Variants in OTUD7A observed in about 807,000 individuals in gnomAD.
The protein encoded by OTUD7A is OTU deubiquitinase 7A, also known as OTU domain-containing protein 7A.
In OTUD7A, 12 loss-of-function variants were observed where a neutral mutation model predicts 65.7. That is an observed-to-expected ratio of 0.18 (90% CI 0.12 to 0.30). The LOEUF is 0.30. Ranked by LOEUF, OTUD7A falls within the 10% of genes least tolerant of loss-of-function variation. The probability of loss-of-function intolerance (pLI) is 1.00; values close to 1 mark genes in which losing one functional copy is unlikely to be tolerated. For missense variants in OTUD7A, 1,148 were observed against 1,304.8 expected (o/e 0.88, Z 1.85); for synonymous variants, 641 against 586.3 (o/e 1.09, Z -1.35).
At chr15:31,596,601 C>T (rs948702445) in intron 3 of OTUD7A, among the ~76,000 whole-genome samples, 3 of 152,150 alleles carry the variant, frequency 2.0e-5, no homozygotes, top group Admixed American at 6.5e-5. Context: ...GCCTTTGTAA[C>T]ATTGGAAAGT....
intron 1 of OTUD7A, among the ~76,000 whole-genome samples, chr15:31,742,693 G>T (rs917187053): frequency 5.9e-5 from 9 of 151,996 alleles, no homozygotes; most frequent in African/African-American, 2.2e-4. Context: ...GTCAGAGATA[G>T]AAAAGCAAAA....
rs141770278 is a variant in OTUD7A at position 31,611,398 on chromosome 15, T to C, written c.152-41201A>G. Reference sequence around the variant, plus strand: ...TGGTTCTTTGAAAAGATAAATAAAATTGACAGACCATTAGTAAGATTAACC... The same window carrying C: ...TGGTTCTTTGAAAAGATAAATAAAACTGACAGACCATTAGTAAGATTAACC... On this transcript the variant is annotated intron_variant, in intron 3 of 12. Transcript: ENST00000307050. Among the ~76,000 whole-genome samples, 434 of 152,114 alleles carry C rather than the reference T, an allele frequency of 2.9e-3. 1 individual carries two copies. The highest frequency in any genetic ancestry group is 0.01 in the African/African-American group (423 of 41,488).
intron 3 of OTUD7A, among the ~76,000 whole-genome samples, chr15:31,603,834 T>C (rs571640318): frequency 1.2e-4 from 18 of 152,138 alleles, no homozygotes; most frequent in African/African-American, 4.3e-4. Flanking sequence ...CCAACAGACA[T>C]ATGAAAAAAA....
intron 5 of OTUD7A, among the ~76,000 whole-genome samples, chr15:31,551,104 GACTCTT>G (rs1888308543): frequency 6.6e-6 from 1 of 151,368 alleles, no homozygotes; most frequent in Non-Finnish European, 1.5e-5. Context: ...TAGAAGTTAA[GACTCTT>G]ACTCAGTTGA....
chr15:31,843,833 C>T (rs1437904384), intron 1 of OTUD7A, among the ~76,000 whole-genome samples: 1 of 152,210 alleles, frequency 6.6e-6, no homozygotes, highest in East Asian at 1.9e-4. Flanking sequence ...CCAAAGCACT[C>T]TTTGATGGTC....
chr15:31,777,013 C>T lies in OTUD7A; in HGVS notation c.-100+93494G>A, dbSNP rs930348276. Among the ~76,000 whole-genome samples the T allele has an allele frequency of 4.6e-5, 7 of 152,080 alleles. No homozygotes were observed. The South Asian group carries it at 1.2e-3, about 27-fold the overall frequency. On this transcript the variant is annotated intron_variant, in intron 1 of 12. Coordinates refer to ENST00000307050, the MANE Select transcript of OTUD7A (RefSeq NM_001382637.1). ...AAAAATGGAGCATTTTGTTACAAGG[C>T]CACCTGCCCCCTAGCTCAGTGCATT... is the stretch of plus-strand genomic sequence containing the variant.
intron 1 of OTUD7A, among the ~76,000 whole-genome samples, chr15:31,833,614 T>C (rs1222736305): frequency 6.6e-6 from 1 of 152,240 alleles, no homozygotes; most frequent in African/African-American, 2.4e-5. Context: ...AATATGTATT[T>C]ATGCAGTTTA....
intron 1 of OTUD7A, among the ~76,000 whole-genome samples, chr15:31,668,641 T>A (rs1318455581): frequency 6.6e-6 from 1 of 152,202 alleles, no homozygotes; most frequent in African/African-American, 2.4e-5. Context: ...CCTGAATTAT[T>A]TTTCAGGTAA....
intron 6 of OTUD7A, 100 bp downstream of exon 6, chr15:31,530,607 G>C: frequency 2.8e-6 from 3 of 1,086,194 alleles, no homozygotes; most frequent in South Asian, 1.6e-5. Context: ...ACTCTATTTA[G>C]TGTATGCTTT....
intron 1 of OTUD7A, among the ~76,000 whole-genome samples, chr15:31,659,158 G>A (rs1333841884): frequency 6.6e-6 from 1 of 152,058 alleles, no homozygotes; most frequent in African/African-American, 2.4e-5. Flanking sequence ...GTTATAACTG[G>A]ACACTGGAAG....
intron 4 of OTUD7A, among the ~76,000 whole-genome samples, chr15:31,561,336 A>G (rs1391231928): frequency 6.6e-6 from 1 of 152,210 alleles, no homozygotes; most frequent in Non-Finnish European, 1.5e-5. Flanking sequence ...GAGGCCACTC[A>G]TCTTGCCACA....
At chr15:31,825,294 G>C (rs1896771626) in intron 1 of OTUD7A, among the ~76,000 whole-genome samples, 1 of 152,224 alleles carries the variant, frequency 6.6e-6, no homozygotes, top group African/African-American at 2.4e-5. Flanking sequence ...CATGTGGCTG[G>C]GGAAGCCCCA....
intron 4 of OTUD7A, among the ~76,000 whole-genome samples, chr15:31,563,654 C>T (rs1485879080): frequency 6.6e-6 from 1 of 152,230 alleles, no homozygotes; most frequent in Admixed American, 6.5e-5. Flanking sequence ...CTGGGTGGGG[C>T]ACCAGTCACC....
At chr15:31,837,555 T>A (rs935804822) in intron 1 of OTUD7A, among the ~76,000 whole-genome samples, 3 of 151,504 alleles carry the variant, frequency 2.0e-5, no homozygotes, top group Admixed American at 6.6e-5. Context: ...CAAAAAAAAA[T>A]AAATAAAATA....
chr15:31,825,404 A>C (rs536528529), intron 1 of OTUD7A, among the ~76,000 whole-genome samples: 3 of 152,200 alleles, frequency 2.0e-5, no homozygotes, highest in Non-Finnish European at 4.4e-5. Context: ...ACCCCTGATA[A>C]AACCATCAGA....
intron 1 of OTUD7A, among the ~76,000 whole-genome samples, chr15:31,663,019 T>A (rs1233065711): frequency 6.6e-6 from 1 of 151,926 alleles, no homozygotes; most frequent in African/African-American, 2.4e-5. Flanking sequence ...GTTTTCCAGA[T>A]ACACAATCAT....
At chr15:31,800,103 A>C (rs1167177154) in intron 1 of OTUD7A, among the ~76,000 whole-genome samples, 2 of 152,202 alleles carry the variant, frequency 1.3e-5, no homozygotes, top group African/African-American at 4.8e-5. Flanking sequence ...TTAGGAGCAC[A>C]CATCCCATTT....
At chr15:31,507,968 GTTAA>G (rs1465924363) in intron 8 of OTUD7A, among the ~76,000 whole-genome samples, 4 of 152,154 alleles carry the variant, frequency 2.6e-5, no homozygotes, top group Non-Finnish European at 5.9e-5. Context: ...GGGTAATTGT[GTTAA>G]TTAGAGGGCC....
At chr15:31,866,861 G>A (rs562688301) in intron 1 of OTUD7A, among the ~76,000 whole-genome samples, 1 of 152,292 alleles carries the variant, frequency 6.6e-6, no homozygotes, top group African/African-American at 2.4e-5. Flanking sequence ...CTTGAAATCA[G>A]TAGTTCAGTT....
Sources: allele counts gnomAD v4.1 joint callset (sites outside exome capture counted in the v4.1 genomes callset), GRCh38; gene constraint gnomAD v4.1.1; transcripts MANE v1.5; gene names NCBI Gene and HGNC (gene_info 2026-07-23, HGNC 2026-07-21).